Variants in GRIK4 observed in about 807,000 individuals in gnomAD.
The protein encoded by GRIK4 is glutamate receptor ionotropic, kainate 4.
In GRIK4, 40 loss-of-function variants were observed where a neutral mutation model predicts 104.9. The ratio of observed to expected loss-of-function variants is 0.38; its 90% CI spans 0.30 to 0.50. The LOEUF (loss-of-function observed/expected upper bound fraction) is 0.50. Ranked by LOEUF, GRIK4 falls within the 20% of genes least tolerant of loss-of-function variation. The pLI is 0.93. For synonymous variants in GRIK4, 485 were observed against 524.9 expected (o/e 0.92, Z 1.04); for missense variants, 1,047 against 1,308.1 (o/e 0.80, Z 3.08).
At chr11:120,515,772 C>G (rs1489569478) in intron 1 of GRIK4, among the ~76,000 whole-genome samples, 1 of 152,158 alleles carries the variant, frequency 6.6e-6, no homozygotes, top group Non-Finnish European at 1.5e-5. Flanking sequence ...ATAGGGTATG[C>G]CTTACATTTA....
At position 120,802,857 on chromosome 11, in the gene GRIK4, A is replaced by G. The variant is rs1952646583; in HGVS notation, c.247A>G (p.Met83Val). ...RDSEYETAET[M>V]CQILPKGVVA... is the part of the protein sequence containing the mutation. ...CAGCGAGTACGAGACTGCAGAAACC[A>G]GTACGTAGACTGGGCAGGGCTGCCT... Residue 83 changes from methionine to valine, a missense_variant and splice_region_variant, in exon 4 of 21, where the codon ATG becomes GTG. By Grantham distance (21) the Met-to-Val change is conservative. Coordinates refer to ENST00000527524, the MANE Select transcript of GRIK4 (RefSeq NM_014619.5). 2 of 1,613,848 alleles carry G rather than the reference A, an allele frequency of 1.2e-6. No homozygotes were observed. Among genetic ancestry groups the G allele is most frequent in the Non-Finnish European group, 1.7e-6 (2 of 1,179,820 alleles).
At chr11:120,647,154 G>C (rs193043831) in intron 1 of GRIK4, among the ~76,000 whole-genome samples, 9 of 152,280 alleles carry the variant, frequency 5.9e-5, no homozygotes, top group Admixed American at 5.9e-4. Context: ...GACCTGCCAG[G>C]GCTCTGCTTC....
intron 3 of GRIK4, among the ~76,000 whole-genome samples, chr11:120,781,486 G>A (rs969144458): frequency 1.1e-4 from 17 of 152,268 alleles, no homozygotes; most frequent in African/African-American, 4.1e-4. Context: ...GAGTTGCTGG[G>A]ACCACAGGCA....
intron 20 of GRIK4, 31 bp downstream of exon 20, chr11:120,982,255 G>T: frequency 4.4e-6 from 5 of 1,144,876 alleles, no homozygotes; most frequent in Non-Finnish European, 6.7e-6. Context: ...GATCGATCGT[G>T]TTGGCAGATG....
rs189024304 is a variant in GRIK4, at chr11:120,943,611, G to A, written c.1590+3151G>A. 2.6e-3 allele frequency among the ~76,000 whole-genome samples: 397 copies of A among 152,246 alleles called. 1 individual carries two copies. The highest frequency in any genetic ancestry group is 6.8e-3 in the Middle Eastern group (2 of 294). On this transcript the variant is annotated intron_variant, in intron 14 of 20. Coordinates refer to ENST00000527524, the MANE Select transcript of GRIK4 (RefSeq NM_014619.5). Reference sequence around the variant, plus strand: ...TAATGAAATTAAATACTGGGTGTTCGTTGTTTTGCAATTTTTCTCTAATTG... The same window carrying A: ...TAATGAAATTAAATACTGGGTGTTCATTGTTTTGCAATTTTTCTCTAATTG...
chr11:120,954,834 CAA>C lies in GRIK4; in HGVS notation c.1700+1871_1700+1872del, dbSNP rs1591327559. Among the ~76,000 whole-genome samples the C allele has an allele frequency of 2.7e-5, 3 of 111,390 alleles. No homozygotes were observed. In the East Asian group the frequency reaches 8.2e-4, roughly 31 times the overall value. 73.1% of individuals were successfully genotyped at this position (111,390 alleles called of 152,430 possible). A position where few individuals can be genotyped will look rare whatever the true frequency, so the allele number is the denominator to read the frequency against. ...ACACACACACACACACACACACAAA[CAA>C]TACTGGAGTCTAGGGTATTCTGTCT... On this transcript the variant is annotated intron_variant, in intron 15 of 20. Transcript: ENST00000527524.
At chr11:120,779,186 CAG>C (rs1317936488) in intron 3 of GRIK4, among the ~76,000 whole-genome samples, 5 of 152,184 alleles carry the variant, frequency 3.3e-5, no homozygotes, top group African/African-American at 1.2e-4. Flanking sequence ...CTGTGACAGA[CAG>C]GGGACCGACC....
intron 3 of GRIK4, among the ~76,000 whole-genome samples, chr11:120,762,093 C>T (rs529232050): frequency 2.0e-5 from 3 of 151,516 alleles, no homozygotes; most frequent in South Asian, 2.1e-4. Flanking sequence ...AATGTTTTTC[C>T]GTTTGTGTCC....
Position 120,660,110 on chromosome 11 carries a change from G to A in GRIK4, c.-50-159G>A, listed in dbSNP as rs373740829. On this transcript the variant is annotated intron_variant, in intron 2 of 20. Coordinates refer to ENST00000527524, the MANE Select transcript of GRIK4 (RefSeq NM_014619.5). ...CAGTTACAGCAACCTGCCCCATGTC[G>A]GTCACAGAGCTGAAGTTAGAACCTG... is the stretch of plus-strand genomic sequence containing the variant. Among the ~76,000 whole-genome samples, 4 of 152,276 alleles carry A rather than the reference G, an allele frequency of 2.6e-5. No individual in the cohort carries two copies. The South Asian group carries it at 6.2e-4, about 24-fold the overall frequency.
chr11:120,778,394 C>T (rs770981683), intron 3 of GRIK4, among the ~76,000 whole-genome samples: 7 of 152,052 alleles, frequency 4.6e-5, no homozygotes, highest in Non-Finnish European at 1.0e-4. Flanking sequence ...AGACTCATTC[C>T]GTTTATATCC....
chr11:120,763,997 C>T (rs1279791288), intron 3 of GRIK4, among the ~76,000 whole-genome samples: 1 of 152,096 alleles, frequency 6.6e-6, no homozygotes, highest in East Asian at 1.9e-4. Context: ...CCTGAATATC[C>T]TTGTTAATTT....
intron 1 of GRIK4, among the ~76,000 whole-genome samples, chr11:120,530,018 C>A (rs1253273701): frequency 6.6e-6 from 1 of 152,196 alleles, no homozygotes; most frequent in Non-Finnish European, 1.5e-5. Flanking sequence ...GGCTCAGTGG[C>A]CTGCTTAGGA....
At chr11:120,920,999 C>T (rs138506578) in intron 13 of GRIK4, among the ~76,000 whole-genome samples, 7 of 152,248 alleles carry the variant, frequency 4.6e-5, no homozygotes, top group East Asian at 1.9e-4. Flanking sequence ...TTCACATTTG[C>T]GCCTTCTTCT....
At position 120,916,230 on chromosome 11, in the gene GRIK4, C is replaced by T. The variant is rs1251532331; in HGVS notation, c.1476+10737C>T. On this transcript the variant is annotated intron_variant, in intron 13 of 20. Transcript: ENST00000527524. ...AAAACAGAGCCCCAAGAAGCTAACG[C>T]CCAGGAGTGCTAGGAGTTGAAGTCA... 3.3e-5 allele frequency among the ~76,000 whole-genome samples: 5 copies of T among 152,196 alleles called. No homozygotes were observed. In the East Asian group the frequency reaches 9.6e-4, roughly 29 times the overall value.
At chr11:120,661,760 G>T (rs922469806) in intron 3 of GRIK4, among the ~76,000 whole-genome samples, 1 of 152,070 alleles carries the variant, frequency 6.6e-6, no homozygotes, top group Non-Finnish European at 1.5e-5. Context: ...GGAGCTGATT[G>T]GAATCAGAAA....
chr11:120,538,377 T>A (rs1479337695), intron 1 of GRIK4, among the ~76,000 whole-genome samples: 4 of 152,140 alleles, frequency 2.6e-5, no homozygotes, highest in African/African-American at 9.7e-5. Flanking sequence ...CAACCCCTGC[T>A]CCACCAAAGT....
intron 3 of GRIK4, among the ~76,000 whole-genome samples, chr11:120,751,647 C>T (rs1209507562): frequency 1.3e-5 from 2 of 152,176 alleles, no homozygotes; most frequent in Non-Finnish European, 2.9e-5. Context: ...CGGACAGCCA[C>T]CTGGATGCAA....
chr11:120,622,847 C>T (rs1949206496), intron 1 of GRIK4, among the ~76,000 whole-genome samples: 1 of 152,232 alleles, frequency 6.6e-6, no homozygotes. Flanking sequence ...CTCCTCTTCT[C>T]TGTGTGTCTG....
rs569411120 is a variant in GRIK4, at chr11:120,893,889, C to T, written c.1165-4643C>T. On this transcript the variant is annotated intron_variant, in intron 11 of 20. Transcript: ENST00000527524. The stretch of plus-strand genomic sequence containing the variant: ...TCTCTGCACCCTAACCTTTCTCTGT[C>T]ATCCTGTTTGTCGTCTGAGTTGGTC... 5.9e-5 allele frequency among the ~76,000 whole-genome samples: 9 copies of T among 152,330 alleles called. No homozygotes were observed. The East Asian group carries it at 1.3e-3, about 23-fold the overall frequency.
Sources: gnomAD v4.1 joint callset for allele counts (sites outside exome capture counted in the v4.1 genomes callset) on GRCh38, gnomAD v4.1.1 for gene constraint, MANE v1.5 for transcripts, NCBI Gene and HGNC (gene_info 2026-07-23, HGNC 2026-07-21) for gene names.